PDE4D: variants seen among roughly 807,000 people sequenced by gnomAD.
PDE4D encodes the protein phosphodiesterase 4D.
In PDE4D, 24 loss-of-function variants were observed where a neutral mutation model predicts 87.4. The ratio of observed to expected loss-of-function variants is 0.27; its 90% CI spans 0.20 to 0.39. The LOEUF is 0.39. PDE4D is among the 10% of genes least tolerant of loss of function. PDE4D has a pLI of 1.00. For missense variants in PDE4D, 714 were observed against 1,041.0 expected, an observed-to-expected ratio of 0.69 and a Z score of 4.32; for synonymous variants, 384 against 383.2, an observed-to-expected ratio of 1.00 and a Z score of -0.02.
intron 1 of PDE4D, among the ~76,000 whole-genome samples, chr5:59,685,950 T>C (rs186216965): frequency 4.6e-5 from 7 of 152,190 alleles, no homozygotes; most frequent in Admixed American, 1.3e-4. Context: ...TTACCTAAAA[T>C]AGAAAGAGAG....
intron 1 of PDE4D, among the ~76,000 whole-genome samples, chr5:59,473,248 C>T (rs1021692671): frequency 6.6e-5 from 10 of 152,054 alleles, no homozygotes; most frequent in Non-Finnish European, 1.0e-4. Context: ...TATACTAATG[C>T]CTCTCAAATA....
chr5:59,848,384 C>T (rs1744173026), intron 1 of PDE4D, among the ~76,000 whole-genome samples: 1 of 152,072 alleles, frequency 6.6e-6, no homozygotes, highest in Non-Finnish European at 1.5e-5. Context: ...ATTATCATTG[C>T]TAGTTGCATT....
intron 1 of PDE4D, among the ~76,000 whole-genome samples, chr5:60,446,947 C>A (rs996803730): frequency 1.3e-5 from 2 of 152,122 alleles, no homozygotes; most frequent in African/African-American, 4.8e-5. Flanking sequence ...GCGCTGGAGG[C>A]CTCAGCACTG....
chr5:60,110,651 G>T (rs910178574), intron 2 of PDE4D, among the ~76,000 whole-genome samples: 1 of 152,028 alleles, frequency 6.6e-6, no homozygotes, highest in South Asian at 2.1e-4. Context: ...CCATTACTGG[G>T]TATCTATCCA....
intron 1 of PDE4D, among the ~76,000 whole-genome samples, chr5:59,282,369 G>A (rs574804512): frequency 6.6e-6 from 1 of 152,038 alleles, no homozygotes; most frequent in East Asian, 1.9e-4. Context: ...GGCTGCGCGC[G>A]GTGGCTCATG....
At chr5:60,043,293 T>C (rs1374565619) in intron 2 of PDE4D, among the ~76,000 whole-genome samples, 2 of 151,964 alleles carry the variant, frequency 1.3e-5, no homozygotes, top group African/African-American at 2.4e-5. Flanking sequence ...AATATGGGAC[T>C]ATGTGAAAAA....
At chr5:60,452,712 T>C (rs571957937) in intron 1 of PDE4D, among the ~76,000 whole-genome samples, 1 of 152,264 alleles carries the variant, frequency 6.6e-6, no homozygotes. Context: ...AAAGGGAACA[T>C]TTCTTGCCAT....
chr5:59,259,613 G>A (rs10055869), intron 1 of PDE4D, among the ~76,000 whole-genome samples: 8,601 of 151,922 alleles, frequency 0.057, 349 homozygotes, highest in African/African-American at 0.13. Flanking sequence ...TGAAAACTAA[G>A]TGCTTTTTAT....
chr5:59,425,714 G>A (rs77696497), intron 1 of PDE4D, among the ~76,000 whole-genome samples: 1,872 of 152,272 alleles, frequency 0.012, 47 homozygotes, highest in African/African-American at 0.043. Flanking sequence ...CTTTGGTACA[G>A]AAAATGGGAC....
At chr5:60,345,271 G>A (rs1047332794) in intron 1 of PDE4D, among the ~76,000 whole-genome samples, 2 of 151,682 alleles carry the variant, frequency 1.3e-5, no homozygotes, top group African/African-American at 4.8e-5. Context: ...ACAGGAAGGG[G>A]AACATCACAC....
At chr5:59,605,266 A>AT (rs1828037044) in intron 1 of PDE4D, among the ~76,000 whole-genome samples, 1 of 152,072 alleles carries the variant, frequency 6.6e-6, no homozygotes, top group Non-Finnish European at 1.5e-5. Context: ...GCAAAAGTTT[A>AT]TTTTTTTCTA....
chr5:59,450,107 T>C (rs556744962), intron 1 of PDE4D, among the ~76,000 whole-genome samples: 1 of 152,328 alleles, frequency 6.6e-6, no homozygotes, highest in African/African-American at 2.4e-5. Flanking sequence ...TAAGATAAAA[T>C]GCTAAACCAA....
chr5:59,294,691 G>A (rs1227790875), intron 1 of PDE4D, among the ~76,000 whole-genome samples: 3 of 152,056 alleles, frequency 2.0e-5, no homozygotes, highest in African/African-American at 4.8e-5. Flanking sequence ...ACGCAGTCAC[G>A]GACTCAATAG....
chr5:59,270,626 C>A (rs1020568625), intron 1 of PDE4D, among the ~76,000 whole-genome samples: 1 of 152,186 alleles, frequency 6.6e-6, no homozygotes, highest in Non-Finnish European at 1.5e-5. Context: ...CAACAACCAA[C>A]AGTCTTTCAC....
At chr5:60,392,755 C>A (rs1275702229) in intron 1 of PDE4D, among the ~76,000 whole-genome samples, 2 of 152,174 alleles carry the variant, frequency 1.3e-5, no homozygotes. Flanking sequence ...TGGCCTTTGC[C>A]TGACCTCTGG....
intron 5 of PDE4D, among the ~76,000 whole-genome samples, chr5:59,107,026 C>T (rs1433262632): frequency 6.6e-6 from 1 of 151,770 alleles, no homozygotes; most frequent in Admixed American, 6.6e-5. Flanking sequence ...TCATAGAAAA[C>T]CAGTTAATGT....
intron 1 of PDE4D, among the ~76,000 whole-genome samples, chr5:59,603,297 C>T (rs1021636694): frequency 6.6e-6 from 1 of 151,862 alleles, no homozygotes; most frequent in Non-Finnish European, 1.5e-5. Context: ...ACTCAAACAA[C>T]TCAATGGCAA....
At chr5:59,367,345 A>G (rs1400750714) in intron 1 of PDE4D, among the ~76,000 whole-genome samples, 1 of 152,190 alleles carries the variant, frequency 6.6e-6, no homozygotes, top group African/African-American at 2.4e-5. Flanking sequence ...CAAAATGTTG[A>G]TCAAGTTATT....
At chr5:60,497,257 A>G (rs1749855078) in intron 1 of PDE4D, among the ~76,000 whole-genome samples, 1 of 152,154 alleles carries the variant, frequency 6.6e-6, no homozygotes, top group African/African-American at 2.4e-5. Context: ...GAGTTTAACC[A>G]TCCATTCACA....
Sources: allele counts gnomAD v4.1 joint callset (sites outside exome capture counted in the v4.1 genomes callset), GRCh38; gene constraint gnomAD v4.1.1; transcripts MANE v1.5; gene names NCBI Gene and HGNC (gene_info 2026-07-23, HGNC 2026-07-21).